VSIG10L2: variants seen among roughly 807,000 people sequenced by gnomAD.
VSIG10L2 encodes V-set and immunoglobulin domain containing 10 like 2, also known as V-set and immunoglobulin domain-containing protein 10-like 2.
VSIG10L2 carries 56 observed loss-of-function variants against 67.1 expected under a neutral mutation model. That is an observed-to-expected ratio of 0.83 (90% CI 0.67 to 1.04). The LOEUF is 1.04. Ranked by LOEUF, VSIG10L2 falls within the 50% of genes least tolerant of loss-of-function variation. The pLI is 0.00. For synonymous variants in VSIG10L2, 360 were observed against 396.6 expected (o/e 0.91, Z 1.10); for missense variants, 843 against 932.8 (o/e 0.90, Z 1.25).
At chr11:125,954,476 C>T in intron 8 of VSIG10L2, 93 bp downstream of exon 8, 1 of 1,073,682 alleles carries the variant, frequency 9.3e-7, no homozygotes, top group Non-Finnish European at 1.2e-6. Flanking sequence ...CTCCTCTCTT[C>T]CTTTGCTCGC....
rs2134310646 is a variant in VSIG10L2, at chr11:125,955,806, G to A, written c.2285-11G>A. ...ATCCCTCTGTTCTTTGCCCACATAT[G>A]CTCTTCATAGGCCTTGAAACACCAA... On this transcript the variant is annotated splice_polypyrimidine_tract_variant and intron_variant, in intron 11 of 11. Transcript: ENST00000686984. 2 of 800,652 alleles carry A rather than the reference G, an allele frequency of 2.5e-6. No homozygotes were observed. The highest frequency in any genetic ancestry group is 4.2e-6 in the Non-Finnish European group (2 of 477,154). The allele number at this position is 800,652 out of a possible 1,614,324, so 49.6% of individuals were successfully genotyped here.
chr11:125,948,670 C>A (rs1945325863), intron 3 of VSIG10L2, 90 bp downstream of exon 3: 2 of 1,200,742 alleles, frequency 1.7e-6, no homozygotes, highest in Admixed American at 4.2e-5. Context: ...CTCCCCAAAT[C>A]CCTCCACTGC....
chr11:125,947,876 G>C lies in VSIG10L2; in HGVS notation c.273G>C (p.Glu91Asp), dbSNP rs1482724514. 8 of 1,232,220 alleles carry C rather than the reference G, an allele frequency of 6.5e-6. No homozygotes were observed. The highest frequency in any genetic ancestry group is 1.6e-5 in the African/African-American group (1 of 64,444). 76.3% of individuals were successfully genotyped at this position (1,232,220 alleles called of 1,614,324 possible). ...AVTDGAMSKV[E>D]AIASALGVVS... Reference sequence around the variant, plus strand: ...CCGATGGAGCCATGTCCAAGGTGGAGGCCATCGCCTCGGCTCTGGGAGTCG... The same window carrying C: ...CCGATGGAGCCATGTCCAAGGTGGACGCCATCGCCTCGGCTCTGGGAGTCG... Residue 91 changes from glutamate (E) to aspartate (D), a missense_variant, in exon 2 of 12, where the codon GAG becomes GAC. Glu to Asp is a conservative substitution (Grantham distance 45, BLOSUM62 2). Coordinates refer to ENST00000686984, the MANE Select transcript of VSIG10L2 (RefSeq NM_001365077.2).
chr11:125,949,961 G>A (rs1945343821), intron 3 of VSIG10L2, 53 bp from the exon 4 acceptor site: 3 of 1,229,902 alleles, frequency 2.4e-6, no homozygotes, highest in South Asian at 8.3e-5. Context: ...GAGCATGTGC[G>A]TGAATGAAGG....
chr11:125,952,645 T>G (rs1262464410), intron 6 of VSIG10L2, among the ~76,000 whole-genome samples: 2 of 152,254 alleles, frequency 1.3e-5, no homozygotes, highest in East Asian at 1.9e-4. Flanking sequence ...CTGATTATAT[T>G]AATATTTCAG....
chr11:125,949,349 T>C lies in VSIG10L2; in HGVS notation c.710-665T>C, dbSNP rs59057512. ...AAATCTGTGTCTGGCATCCGCCTAT[T>C]GGACGGTGCTGGTCTTAGACGTTTT... is the stretch of plus-strand genomic sequence containing the variant. On this transcript the variant is annotated intron_variant, in intron 3 of 11. Coordinates refer to ENST00000686984, the MANE Select transcript of VSIG10L2 (RefSeq NM_001365077.2). Among the ~76,000 whole-genome samples, 526 of 152,316 alleles carry C rather than the reference T, an allele frequency of 3.5e-3. 7 individuals carry two copies. The highest frequency in any genetic ancestry group is 0.012 in the African/African-American group (504 of 41,570).
intron 9 of VSIG10L2, 23 bp downstream of exon 9, chr11:125,955,202 G>C: frequency 1.6e-6 from 2 of 1,254,270 alleles, no homozygotes; most frequent in Non-Finnish European, 2.0e-6. Flanking sequence ...CGGAAGGGAC[G>C]GGCTGCTTGA....
intron 8 of VSIG10L2, among the ~76,000 whole-genome samples, chr11:125,954,634 T>C (rs1177281177): frequency 6.6e-6 from 1 of 152,018 alleles, no homozygotes; most frequent in Non-Finnish European, 1.5e-5. Context: ...GTGATCAGAA[T>C]AGAGAGGAAG....
At position 125,947,681 on chromosome 11, in the gene VSIG10L2, C is replaced by T; in HGVS notation, c.83-5C>T. Reference sequence around the variant, plus strand: ...GAAGTCCTGCTATGCCCCTTCTCTCCCCAGGCCAGCCCCACCCGACCCCCG... The same window carrying T: ...GAAGTCCTGCTATGCCCCTTCTCTCTCCAGGCCAGCCCCACCCGACCCCCG... On this transcript the variant is annotated splice_region_variant and splice_polypyrimidine_tract_variant and intron_variant, in intron 1 of 11. Transcript: ENST00000686984. 2.4e-6 allele frequency: 3 copies of T among 1,232,380 alleles called. No homozygotes were observed. The highest frequency in any genetic ancestry group is 3.0e-6 in the Non-Finnish European group (3 of 988,186). The allele number at this position is 1,232,380 out of a possible 1,614,324, so 76.3% of individuals were successfully genotyped here. A position where few individuals can be genotyped will look rare whatever the true frequency, so the allele number is the denominator to read the frequency against.
intron 6 of VSIG10L2, 110 bp downstream of exon 6, chr11:125,952,183 C>A: frequency 7.2e-7 from 1 of 1,381,784 alleles, no homozygotes; most frequent in Admixed American, 2.8e-5. Flanking sequence ...GAAAGTGAGT[C>A]AGTGCGGACG....
chr11:125,947,483 G>C (rs879825227), intron 1 of VSIG10L2: 15 of 985,258 alleles, frequency 1.5e-5, no homozygotes, highest in African/African-American at 8.7e-5. Context: ...CCCTCCTTCA[G>C]TGCATCCAAA....
Position 125,950,254 on chromosome 11 carries a change from C to T in VSIG10L2, c.950C>T (p.Thr317Ile). Reference sequence around the variant, plus strand: ...CTGGCCCGCAACAGCTACCTGGACACCCGCACCCAGACTACTGTCCAGCTC... The same window carrying T: ...CTGGCCCGCAACAGCTACCTGGACATCCGCACCCAGACTACTGTCCAGCTC... ...TCLARNSYLD[T>I]RTQTTVQLTI... The change falls in exon 4 of 12, where the codon ACC becomes ATC. Residue 317 changes from threonine to isoleucine, a missense_variant. Thr to Ile is a moderately conservative substitution (Grantham distance 89). Coordinates refer to ENST00000686984, the MANE Select transcript of VSIG10L2 (RefSeq NM_001365077.2). 4 of 1,232,498 alleles carry T rather than the reference C, an allele frequency of 3.2e-6. No individual in the cohort carries two copies. Among genetic ancestry groups the T allele is most frequent in the Non-Finnish European group, 4.0e-6 (4 of 988,216 alleles). 76.3% of individuals were successfully genotyped at this position (1,232,498 alleles called of 1,614,324 possible).
chr11:125,953,778 G>T, intron 7 of VSIG10L2, 88 bp downstream of exon 7: 1 of 1,198,378 alleles, frequency 8.3e-7, no homozygotes, highest in Non-Finnish European at 1.0e-6. Flanking sequence ...AAGGCACAAG[G>T]ATTCCCTGCT....
Position 125,952,043 on chromosome 11 carries a change from A to G in VSIG10L2, c.1465A>G (p.Thr489Ala). Residue 489 changes from threonine (T) to alanine (A), a missense_variant, in exon 6 of 12, where the codon ACC becomes GCC. Transcript: ENST00000686984. Reference protein sequence around the residue: ...FTCRGTHLLRTPDPHCHLQLE... With the variant: ...FTCRGTHLLRAPDPHCHLQLE... Reference sequence around the variant, plus strand: ...CTGCCGGGGCACTCACCTGCTCAGGACCCCTGACCCCCACTGCCACCTCCA... The same window carrying G: ...CTGCCGGGGCACTCACCTGCTCAGGGCCCCTGACCCCCACTGCCACCTCCA... 1 of 1,535,092 alleles carries G rather than the reference A, an allele frequency of 6.5e-7. No homozygotes were observed. Among genetic ancestry groups the G allele is most frequent in the Non-Finnish European group, 8.7e-7 (1 of 1,146,144 alleles).
chr11:125,951,471 G>A (rs1945369118), intron 5 of VSIG10L2, among the ~76,000 whole-genome samples: 1 of 152,222 alleles, frequency 6.6e-6, no homozygotes, highest in Admixed American at 6.5e-5. Flanking sequence ...TGTTGGGCTT[G>A]AAACTTGCCT....
At chr11:125,947,364 T>A (rs143513870) in intron 1 of VSIG10L2, 1 of 950,594 alleles carries the variant, frequency 1.1e-6, no homozygotes, top group Non-Finnish European at 1.3e-6. Context: ...ACTGGGAGTG[T>A]CTGACTTGAT....
At chr11:125,953,789 C>A in intron 7 of VSIG10L2, 99 bp downstream of exon 7, 1 of 1,172,766 alleles carries the variant, frequency 8.5e-7, no homozygotes, top group Non-Finnish European at 1.1e-6. Flanking sequence ...ATTCCCTGCT[C>A]CAAAATTTGG....
In VSIG10L2 at chr11:125,955,601, C is replaced by A; in HGVS notation, c.2232-14C>A. On this transcript the variant is annotated splice_polypyrimidine_tract_variant and intron_variant, in intron 10 of 11. Transcript: ENST00000686984. ...TGAGTTGCCACTAACTTTACTCTCC[C>A]ACTTCACTCTCAGGGAGCAAAGGCA... 6.5e-7 allele frequency: 1 copy of A among 1,527,226 alleles called. No individual in the cohort carries two copies. Among genetic ancestry groups the A allele is most frequent in the Non-Finnish European group, 8.8e-7 (1 of 1,141,850 alleles). 94.6% of individuals were successfully genotyped at this position (1,527,226 alleles called of 1,614,324 possible). A position where few individuals can be genotyped will look rare whatever the true frequency, so the allele number is the denominator to read the frequency against.
At position 125,948,523 on chromosome 11, in the gene VSIG10L2, A is replaced by G; in HGVS notation, c.652A>G (p.Ser218Gly). Reference sequence around the variant, plus strand: ...GACACACCTAGGGTGGTACATGTGCAGCGCCAGCAACTCCGTGAACAGGCT... The same window carrying G: ...GACACACCTAGGGTGGTACATGTGCGGCGCCAGCAACTCCGTGAACAGGCT... ...NRTHLGWYMC[S>G]ASNSVNRLSS... Residue 218 changes from serine to glycine, a missense_variant, in exon 3 of 12, where the codon AGC becomes GGC. Around this residue, in one of 2 missense-constraint regions of VSIG10L2, gnomAD observed 446 missense variants for 548.4 expected, o/e 0.81. Transcript: ENST00000686984. 1 of 1,232,190 alleles carries G rather than the reference A, an allele frequency of 8.1e-7. No individual in the cohort carries two copies. Among genetic ancestry groups the G allele is most frequent in the East Asian group, 3.2e-5 (1 of 31,684 alleles). 76.3% of individuals were successfully genotyped at this position (1,232,190 alleles called of 1,614,324 possible).
Sources: allele counts gnomAD v4.1 joint callset (sites outside exome capture counted in the v4.1 genomes callset), GRCh38; gene constraint gnomAD v4.1.1; regional missense constraint gnomAD v4.1.1; transcripts MANE v1.5; gene names NCBI Gene and HGNC (gene_info 2026-07-23, HGNC 2026-07-21).